NKAIN3: variants seen among roughly 807,000 people sequenced by gnomAD.
The protein encoded by NKAIN3 is sodium/potassium transporting ATPase interacting 3.
In NKAIN3, 25 loss-of-function variants were observed where a neutral mutation model predicts 30.2. The observed-to-expected ratio is 0.83, with a 90% CI of 0.60 to 1.16. NKAIN3 has a LOEUF of 1.16. Ranked by LOEUF, NKAIN3 falls within the 50% of genes most tolerant of loss-of-function variation. The probability of loss-of-function intolerance (pLI) is 0.00; values close to 1 mark genes in which losing one functional copy is unlikely to be tolerated. For synonymous variants in NKAIN3, 91 were observed against 89.6 expected, an observed-to-expected ratio of 1.02 and a Z score of -0.09; for missense variants, 225 against 254.1, an observed-to-expected ratio of 0.89 and a Z score of 0.78.
At chr8:62,917,904 T>C (rs1467756424) in intron 4 of NKAIN3, among the ~76,000 whole-genome samples, 1 of 152,250 alleles carries the variant, frequency 6.6e-6, no homozygotes. Flanking sequence ...TTCTGTTTTA[T>C]TTTATCACTA....
At chr8:62,615,489 TATGTCAC>T (rs1811425788) in intron 3 of NKAIN3, among the ~76,000 whole-genome samples, 1 of 152,160 alleles carries the variant, frequency 6.6e-6, no homozygotes, top group South Asian at 2.1e-4. Context: ...GGTGTCTCAG[TATGTCAC>T]ATGACCCCTC....
intron 3 of NKAIN3, among the ~76,000 whole-genome samples, chr8:62,722,746 C>T (rs1167361470): frequency 6.6e-6 from 1 of 152,096 alleles, no homozygotes; most frequent in African/African-American, 2.4e-5. Flanking sequence ...TCCCTCCTTC[C>T]CACACAGACA....
chr8:62,548,995 C>T (rs1222380030), intron 1 of NKAIN3, among the ~76,000 whole-genome samples: 1 of 152,092 alleles, frequency 6.6e-6, no homozygotes, highest in Non-Finnish European at 1.5e-5. Flanking sequence ...ATTCTTGCTT[C>T]CCTCCACATG....
At chr8:62,784,918 C>T (rs942688649) in intron 4 of NKAIN3, among the ~76,000 whole-genome samples, 6 of 152,164 alleles carry the variant, frequency 3.9e-5, no homozygotes, top group Admixed American at 3.3e-4. Flanking sequence ...AGTCACTTCA[C>T]ACCCACTAAT....
intron 5 of NKAIN3, chr8:62,990,731 A>G (rs1000819309): frequency 2.0e-5 from 3 of 152,268 alleles, no homozygotes; most frequent in African/African-American, 7.2e-5. Flanking sequence ...CTCGCCTTAC[A>G]CCAAACAGAC....
chr8:62,647,908 G>A (rs376317164), intron 3 of NKAIN3, among the ~76,000 whole-genome samples: 12 of 152,106 alleles, frequency 7.9e-5, no homozygotes, highest in Non-Finnish European at 1.0e-4. Context: ...TGAGGTAGGC[G>A]GATGGCTCGG....
chr8:62,291,996 T>C (rs2129587186), intron 1 of NKAIN3, among the ~76,000 whole-genome samples: 1 of 152,332 alleles, frequency 6.6e-6, no homozygotes, highest in East Asian at 1.9e-4. Flanking sequence ...TGTAATTGCC[T>C]TCTTTGTCTC....
chr8:62,564,642 C>G (rs956668175), intron 1 of NKAIN3, among the ~76,000 whole-genome samples: 3 of 152,184 alleles, frequency 2.0e-5, no homozygotes, highest in Admixed American at 6.5e-5. Context: ...TTCAGTAGGT[C>G]TAGGCCAGCA....
chr8:62,632,967 A>G (rs761642022), intron 3 of NKAIN3, among the ~76,000 whole-genome samples: 2 of 152,090 alleles, frequency 1.3e-5, no homozygotes, highest in Non-Finnish European at 2.9e-5. Flanking sequence ...TGCCCTGGGA[A>G]TGGAGGCAGA....
chr8:62,883,763 C>A (rs1250663410), intron 4 of NKAIN3, among the ~76,000 whole-genome samples: 3 of 151,820 alleles, frequency 2.0e-5, no homozygotes, highest in Admixed American at 6.6e-5. Flanking sequence ...TTTATTATTT[C>A]TTTTCTTCTA....
At chr8:62,502,553 C>CCTTCTT (rs1030874491) in intron 1 of NKAIN3, among the ~76,000 whole-genome samples, 2 of 151,790 alleles carry the variant, frequency 1.3e-5, no homozygotes, top group African/African-American at 4.8e-5. Flanking sequence ...TTCTCCTTCT[C>CCTTCTT]CTTCTTCTTC....
chr8:62,373,243 A>G (rs952913291), intron 1 of NKAIN3, among the ~76,000 whole-genome samples: 7 of 152,180 alleles, frequency 4.6e-5, no homozygotes, highest in African/African-American at 1.7e-4. Context: ...CATTTCTTAC[A>G]ATAAAAAACA....
rs911924663 is a variant in NKAIN3 at position 62,972,293 on chromosome 8, G to A, written c.*6886G>A. Among the ~76,000 whole-genome samples, 2 of 151,984 alleles carry A rather than the reference G, an allele frequency of 1.3e-5. No individual in the cohort carries two copies. Among genetic ancestry groups the A allele is most frequent in the African/African-American group, 4.8e-5 (2 of 41,368 alleles). On this transcript the variant is annotated 3_prime_UTR_variant, in exon 7 of 7. Transcript: ENST00000623646. ...CAAGAACATAATATCGGCTGAAGTG[G>A]AATGAGTATTCAAATTGTCCAAAAA... is the stretch of plus-strand genomic sequence containing the variant.
chr8:62,334,730 G>C (rs1815477765), intron 1 of NKAIN3, among the ~76,000 whole-genome samples: 1 of 152,000 alleles, frequency 6.6e-6, no homozygotes, highest in African/African-American at 2.4e-5. Flanking sequence ...ATTTGGATGG[G>C]GTTTGGCTGG....
chr8:62,474,203 A>G (rs578054854), intron 1 of NKAIN3: 1 of 152,330 alleles, frequency 6.6e-6, no homozygotes, highest in East Asian at 1.9e-4. Flanking sequence ...CCAAGCAGAC[A>G]TAGAAACAAA....
chr8:62,855,537 T>A, intron 4 of NKAIN3: 1 of 1,497,884 alleles, frequency 6.7e-7, no homozygotes, highest in South Asian at 1.1e-5. Context: ...ACAAGCTCCT[T>A]AAACTCAACC....
intron 3 of NKAIN3, among the ~76,000 whole-genome samples, chr8:62,709,486 A>G (rs1485403245): frequency 1.3e-5 from 2 of 152,094 alleles, no homozygotes; most frequent in Non-Finnish European, 2.9e-5. Flanking sequence ...CATCTCGTCT[A>G]CGTTTTCTAG....
chr8:62,427,420 T>A (rs1470726365), intron 1 of NKAIN3, among the ~76,000 whole-genome samples: 1 of 151,988 alleles, frequency 6.6e-6, no homozygotes, highest in Non-Finnish European at 1.5e-5. Flanking sequence ...TGTGGTCATC[T>A]GTCAGGTTCA....
At chr8:62,275,537 T>C (rs1812921047) in intron 1 of NKAIN3, among the ~76,000 whole-genome samples, 1 of 152,224 alleles carries the variant, frequency 6.6e-6, no homozygotes, top group Non-Finnish European at 1.5e-5. Flanking sequence ...AAATTCTTTT[T>C]TGTAATCATA....
Sources: allele counts gnomAD v4.1 joint callset (sites outside exome capture counted in the v4.1 genomes callset), GRCh38; gene constraint gnomAD v4.1.1; transcripts MANE v1.5; gene names NCBI Gene and HGNC (gene_info 2026-07-23, HGNC 2026-07-21).